PRKN: variants seen among roughly 807,000 people sequenced by gnomAD.
PRKN encodes E3 ubiquitin-protein ligase parkin.
Under a neutral mutation model 59.5 loss-of-function variants are expected in PRKN, and 56 were observed. That is an observed-to-expected ratio of 0.94 (90% CI 0.76 to 1.18). The LOEUF (loss-of-function observed/expected upper bound fraction) is 1.18. PRKN is among the 50% of genes most tolerant of loss of function. PRKN has a pLI of 0.00. For synonymous variants in PRKN, 250 were observed against 222.1 expected (o/e 1.13, Z -1.12); for missense variants, 657 against 596.4 (o/e 1.10, Z -1.06).
At chr6:162,405,605 C>T (rs538715023) in intron 2 of PRKN, among the ~76,000 whole-genome samples, 9 of 152,232 alleles carry the variant, frequency 5.9e-5, no homozygotes, top group South Asian at 2.1e-4. Flanking sequence ...TTGGGGGACA[C>T]GGCCTTTAAA....
At chr6:161,992,472 T>C (rs1342155328) in intron 5 of PRKN, among the ~76,000 whole-genome samples, 1 of 152,156 alleles carries the variant, frequency 6.6e-6, no homozygotes, top group Non-Finnish European at 1.5e-5. Context: ...TAAAAAATTA[T>C]AGATTGAAAG....
At chr6:161,777,161 T>G (rs1283506980) in intron 7 of PRKN, among the ~76,000 whole-genome samples, 2 of 152,174 alleles carry the variant, frequency 1.3e-5, no homozygotes, top group Non-Finnish European at 2.9e-5. Flanking sequence ...AATAGGGTTT[T>G]CTGGAGATTC....
At chr6:161,370,382 C>A (rs889483981) in intron 10 of PRKN, among the ~76,000 whole-genome samples, 6 of 149,376 alleles carry the variant, frequency 4.0e-5, no homozygotes, top group Admixed American at 2.0e-4. Context: ...CAGATCAAAC[C>A]ATCCTGGCTA....
intron 9 of PRKN, among the ~76,000 whole-genome samples, chr6:161,469,644 A>T (rs1297691446): frequency 6.6e-6 from 1 of 152,024 alleles, no homozygotes; most frequent in Admixed American, 6.6e-5. Flanking sequence ...AAGATGGAGG[A>T]AGGGACCTCA....
chr6:162,037,478 G>T (rs2128280953), intron 5 of PRKN, among the ~76,000 whole-genome samples: 1 of 151,794 alleles, frequency 6.6e-6, no homozygotes, highest in South Asian at 2.1e-4. Flanking sequence ...AGACTTGGAA[G>T]AATATGCACC....
At chr6:161,745,456 A>T (rs1370167473) in intron 7 of PRKN, among the ~76,000 whole-genome samples, 1 of 152,204 alleles carries the variant, frequency 6.6e-6, no homozygotes, top group Non-Finnish European at 1.5e-5. Flanking sequence ...CAAGAAGAAA[A>T]GCAGGATACA....
chr6:161,804,865 C>T (rs760254385), intron 6 of PRKN, among the ~76,000 whole-genome samples: 22 of 152,216 alleles, frequency 1.4e-4, no homozygotes, highest in Non-Finnish European at 2.6e-4. Context: ...CAGTACTCAA[C>T]TTTCTAAGCC....
rs145696114 is a variant in PRKN at position 161,868,499 on chromosome 6, T to C, written c.735-82591A>G. Among the ~76,000 whole-genome samples the C allele has an allele frequency of 2.0e-3, 299 of 152,164 alleles. 3 individuals are homozygous for C. The highest frequency in any genetic ancestry group is 0.018 in the Admixed American group (268 of 15,286). On this transcript the variant is annotated intron_variant, in intron 6 of 11. Transcript: ENST00000366898. ...AGGAGGCTGAGGCAGGAGAATCACTTAAACCCAGGAGGCAGAGGTTGCAGT... is the reference window on the plus strand; with the variant it reads ...AGGAGGCTGAGGCAGGAGAATCACTCAAACCCAGGAGGCAGAGGTTGCAGT...
chr6:162,561,430 G>A (rs9365464), intron 1 of PRKN, among the ~76,000 whole-genome samples: 47,046 of 151,718 alleles, frequency 0.31, 7,744 homozygotes, highest in East Asian at 0.49. Flanking sequence ...TTCGTCCCCC[G>A]ACCCCGCAAG....
At chr6:161,756,639 C>CT (rs535349817) in intron 7 of PRKN, among the ~76,000 whole-genome samples, 1 of 150,654 alleles carries the variant, frequency 6.6e-6, no homozygotes, top group Non-Finnish European at 1.5e-5. Context: ...TTATGTCTTT[C>CT]TTTTTTTTAA....
chr6:162,390,428 C>T (rs553324073), intron 2 of PRKN, among the ~76,000 whole-genome samples: 2 of 136,934 alleles, frequency 1.5e-5, no homozygotes, highest in South Asian at 4.5e-4. Context: ...CACACACACA[C>T]CTTATATATA....
chr6:161,607,843 T>C (rs1782339836), intron 7 of PRKN, among the ~76,000 whole-genome samples: 1 of 152,236 alleles, frequency 6.6e-6, no homozygotes, highest in South Asian at 2.1e-4. Context: ...GAGGAAGGCC[T>C]GAGCCAAGGA....
chr6:162,392,197 G>C (rs962563383), intron 2 of PRKN, among the ~76,000 whole-genome samples: 3 of 151,992 alleles, frequency 2.0e-5, no homozygotes, highest in African/African-American at 7.2e-5. Context: ...GTGTGATACA[G>C]TATTTTCTCT....
At chr6:162,675,289 C>A (rs2128231181) in intron 1 of PRKN, among the ~76,000 whole-genome samples, 1 of 151,894 alleles carries the variant, frequency 6.6e-6, no homozygotes, top group East Asian at 1.9e-4. Flanking sequence ...ACCTCATGAT[C>A]CCCCCCGCCT....
chr6:161,636,170 G>T (rs1031033031), intron 7 of PRKN, among the ~76,000 whole-genome samples: 3 of 152,268 alleles, frequency 2.0e-5, no homozygotes, highest in African/African-American at 4.8e-5. Context: ...CATGTGATGT[G>T]CTGGGCACAT....
At chr6:162,256,477 T>C (rs902323793) in intron 3 of PRKN, among the ~76,000 whole-genome samples, 11 of 152,164 alleles carry the variant, frequency 7.2e-5, no homozygotes, top group African/African-American at 2.7e-4. Context: ...ATCTTCCCTT[T>C]AAGAAAGTGG....
chr6:162,079,583 T>C (rs1002397026), intron 4 of PRKN, among the ~76,000 whole-genome samples: 1 of 152,018 alleles, frequency 6.6e-6, no homozygotes, highest in African/African-American at 2.4e-5. Context: ...TAAACCCCTC[T>C]CATGGTTCCC....
rs112734363 is a variant in PRKN, at chr6:162,300,498, GT to G, written c.172-37734del. On this transcript the variant is annotated intron_variant, in intron 2 of 11. Coordinates refer to ENST00000366898, the MANE Select transcript of PRKN (RefSeq NM_004562.3). ...TGAAGAATGTTATGCAGCTCTCTGC[GT>G]TTTTTTTTTCTTTTTATGTCTAAAT... Among the ~76,000 whole-genome samples the G allele has an allele frequency of 1.0e-3, 150 of 148,712 alleles. 2 individuals are homozygous for G. Among genetic ancestry groups the G allele is most frequent in the Admixed American group, 1.1e-3 (17 of 14,866 alleles).
intron 9 of PRKN, among the ~76,000 whole-genome samples, chr6:161,404,138 C>G (rs1472730474): frequency 2.0e-5 from 3 of 152,150 alleles, no homozygotes; most frequent in Non-Finnish European, 2.9e-5. Flanking sequence ...TCTGTACTGA[C>G]CTGATCCTAA....
Sources: allele counts gnomAD v4.1 joint callset (sites outside exome capture counted in the v4.1 genomes callset), GRCh38; gene constraint gnomAD v4.1.1; transcripts MANE v1.5; gene names NCBI Gene and HGNC (gene_info 2026-07-23, HGNC 2026-07-21).